The following RAD51C variants were observed in gnomAD, a reference collection of about 807,000 sequenced individuals.
The protein encoded by RAD51C is DNA repair protein RAD51 homolog 3.
Under a neutral mutation model 45.0 loss-of-function variants are expected in RAD51C, and 42 were observed. The observed-to-expected ratio is 0.93, with a 90% confidence interval of 0.73 to 1.21. The LOEUF (loss-of-function observed/expected upper bound fraction) is 1.21. Among genes scored for constraint, RAD51C ranks in the 50% most tolerant of loss-of-function variants. The pLI, the probability that RAD51C is intolerant of heterozygous loss-of-function variation, is 0.00. For synonymous variants in RAD51C, 172 were observed against 159.8 expected, an observed-to-expected ratio of 1.08 and a Z score of -0.58; for missense variants, 474 against 452.2, an observed-to-expected ratio of 1.05 and a Z score of -0.44.
intron 7 of RAD51C, among the ~76,000 whole-genome samples, chr17:58,725,122 T>C (rs960843071): frequency 6.6e-5 from 10 of 152,122 alleles, no homozygotes; most frequent in African/African-American, 1.4e-4. Context: ...GTGTTTTTTT[T>C]CCCCCACAAT....
At chr17:58,728,182 T>A (rs62081324) in intron 7 of RAD51C, among the ~76,000 whole-genome samples, 2 of 150,286 alleles carry the variant, frequency 1.3e-5, no homozygotes, top group Non-Finnish European at 3.0e-5. Flanking sequence ...GAGGCAGAGG[T>A]TGCAGTGAGC....
intron 4 of RAD51C, chr17:58,705,882 A>G (rs1439705683): frequency 8.5e-6 from 1 of 118,298 alleles, no homozygotes; most frequent in African/African-American, 3.3e-5. Flanking sequence ...ACACAGCCCC[A>G]AACGTCTTAA....
chr17:58,714,737 G>A (rs904942296), intron 5 of RAD51C, among the ~76,000 whole-genome samples: 2 of 152,196 alleles, frequency 1.3e-5, no homozygotes, highest in Non-Finnish European at 1.5e-5. Context: ...GATTATACGC[G>A]TGAGCCACCA....
Sources: allele counts gnomAD v4.1 joint callset (sites outside exome capture counted in the v4.1 genomes callset), GRCh38; gene constraint gnomAD v4.1.1; transcripts MANE v1.5; gene names NCBI Gene and HGNC (gene_info 2026-07-23, HGNC 2026-07-21).